Variants in PHPT1 observed in about 807,000 individuals in gnomAD.
PHPT1 encodes phosphohistidine phosphatase 1, also known as 14 kDa phosphohistidine phosphatase.
A neutral mutation model predicts 15.6 loss-of-function variants in PHPT1; 16 were observed. The observed-to-expected ratio is 1.03, with a 90% confidence interval of 0.70 to 1.56. The LOEUF is 1.56. Among genes scored for constraint, PHPT1 ranks in the 40% most tolerant of loss-of-function variants. The probability of loss-of-function intolerance (pLI) is 0.00; values close to 1 mark genes in which losing one functional copy is unlikely to be tolerated. For synonymous variants in PHPT1, 102 were observed against 68.1 expected, an observed-to-expected ratio of 1.50 and a Z score of -2.45; for missense variants, 228 against 171.0, an observed-to-expected ratio of 1.33 and a Z score of -1.86.
rs748362323 is a variant in PHPT1, at chr9:136,850,189, G to A, written c.285+52G>A. 18 of 1,610,588 alleles carry A rather than the reference G, an allele frequency of 1.1e-5. No individual in the cohort carries two copies. The Admixed American group carries it at 2.3e-4, about 21-fold the overall frequency. Reference sequence around the variant, plus strand: ...CCGGAGGCCCCAGTACCAGCTTCGAGGCCCACCTGAGCCTGCTGCCCTGAC... The same window carrying A: ...CCGGAGGCCCCAGTACCAGCTTCGAAGCCCACCTGAGCCTGCTGCCCTGAC... On this transcript the variant is annotated intron_variant, in intron 2 of 2. Coordinates refer to ENST00000247665, the MANE Select transcript of PHPT1 (RefSeq NM_014172.6).
intron 2 of PHPT1, 25 bp from the exon 3 acceptor site, chr9:136,850,730 C>T: frequency 1.9e-6 from 3 of 1,593,170 alleles, no homozygotes; most frequent in Non-Finnish European, 2.6e-6. Flanking sequence ...CCAGGTAGTG[C>T]CAGCAGGCGT....
chr9:136,850,200 G>C, intron 2 of PHPT1, 63 bp downstream of exon 2: 1 of 1,607,112 alleles, frequency 6.2e-7, no homozygotes, highest in Non-Finnish European at 8.5e-7. Context: ...GCCCACCTGA[G>C]CCTGCTGCCC....
chr9:136,849,939 C>T, intron 1 of PHPT1, 74 bp from the exon 2 acceptor site: 3 of 1,490,490 alleles, frequency 2.0e-6, no homozygotes, highest in Non-Finnish European at 2.8e-6. Flanking sequence ...ATTTCAGACC[C>T]CTTCGGCTGG....
At chr9:136,850,324 C>A (rs1848879264) in intron 2 of PHPT1, 187 bp downstream of exon 2, 2 of 864,794 alleles carry the variant, frequency 2.3e-6, no homozygotes, top group Non-Finnish European at 3.6e-6. Context: ...GAGCACACGC[C>A]AGACCTGAGG....
At position 136,851,003 on chromosome 9, in the gene PHPT1, G is replaced by A; in HGVS notation, c.*156G>A. ...TTGGAGACAGGCTAGCCTGGCCACA[G>A]AATTAAACGTGTTGCCACACCTGCC... On this transcript the variant is annotated 3_prime_UTR_variant, in exon 3 of 3. Transcript: ENST00000247665. The A allele has an allele frequency of 1.3e-6, 1 of 765,064 alleles. No individual in the cohort carries two copies. Among genetic ancestry groups the A allele is most frequent in the African/African-American group, 1.7e-5 (1 of 59,202 alleles). The allele number at this position is 765,064 out of a possible 1,614,324, so 47.4% of individuals were successfully genotyped here.
Position 136,849,507 on chromosome 9 carries a change from G to A in PHPT1, c.77G>A (p.Arg26Gln), listed in dbSNP as rs776211003. 1.2e-6 allele frequency: 2 copies of A among 1,611,634 alleles called. No homozygotes were observed. The highest frequency in any genetic ancestry group is 3.3e-5 in the Admixed American group (2 of 59,940). Residue 26 changes from arginine (R) to glutamine (Q), a missense_variant, in exon 1 of 3, where the codon CGA (arginine) becomes CAA (glutamine). Arg to Gln is a conservative substitution (Grantham distance 43). Coordinates refer to ENST00000247665, the MANE Select transcript of PHPT1 (RefSeq NM_014172.6). ...GGCGTCTTCAAGTATGTGCTGATCC[G>A]AGTCCACTCGGCTCCCCGCTCCGGG... is the stretch of plus-strand genomic sequence containing the variant. ...SDGVFKYVLI[R>Q]VHSAPRSGAP...
At chr9:136,850,583 C>T (rs1848889412) in intron 2 of PHPT1, 172 bp from the exon 3 acceptor site, 1 of 1,606,900 alleles carries the variant, frequency 6.2e-7, no homozygotes, top group African/African-American at 1.3e-5. Context: ...GTGGAGGTCG[C>T]CTCTCCCCAG....
intron 1 of PHPT1, 124 bp from the exon 2 acceptor site, chr9:136,849,889 G>A (rs1013709391): frequency 9.7e-7 from 1 of 1,035,380 alleles, no homozygotes; most frequent in Non-Finnish European, 1.4e-6. Context: ...AGCCTCAAGG[G>A]GCTTCGTCTC....
chr9:136,850,357 A>G (rs1314151157), intron 2 of PHPT1: 15 of 846,124 alleles, frequency 1.8e-5, no homozygotes, highest in Admixed American at 4.7e-5. Context: ...ACCCCCAGAC[A>G]TGGCCGGCTG....
rs781550423 is a variant in PHPT1, at chr9:136,849,441, C to T, written c.11C>T (p.Ala4Val). 32 of 1,601,846 alleles carry T rather than the reference C, an allele frequency of 2.0e-5. No homozygotes were observed. The highest frequency in any genetic ancestry group is 1.0e-4 in the Admixed American group (6 of 59,174). MAVADLALIPDVDI... is the reference protein window; with the variant it reads MAVVDLALIPDVDI... The stretch of plus-strand genomic sequence containing the variant: ...TCCGGGAGGAGGAACATGGCGGTGG[C>T]GGACCTCGCTCTCATTCCTGATGTG... Residue 4 changes from alanine to valine, a missense_variant, in exon 1 of 3, where the codon GCG (alanine) becomes GTG (valine). Ala to Val is a moderately conservative substitution (Grantham distance 64). Coordinates refer to ENST00000247665, the MANE Select transcript of PHPT1 (RefSeq NM_014172.6).
Position 136,849,520 on chromosome 9 carries a change from T to G in PHPT1, c.90T>G (p.Ala30=). ...ATGTGCTGATCCGAGTCCACTCGGC[T>G]CCCCGCTCCGGGGCTCCGGCTGCAG... ...FKYVLIRVHS[A]PRSGAPAAES... The change falls in exon 1 of 3, where the codon GCT becomes GCG. Residue 30 remains alanine (A), a synonymous_variant. Coordinates refer to ENST00000247665, the MANE Select transcript of PHPT1 (RefSeq NM_014172.6). The G allele has an allele frequency of 6.2e-7, 1 of 1,611,226 alleles. No individual in the cohort carries two copies.
chr9:136,850,098 G>C lies in PHPT1; in HGVS notation c.246G>C (p.Gln82His), dbSNP rs777828998. 4.3e-6 allele frequency: 7 copies of C among 1,612,718 alleles called. No homozygotes were observed. The highest frequency in any genetic ancestry group is 2.2e-5 in the South Asian group (2 of 91,080). Residue 82 changes from glutamine (Q) to histidine (H), a missense_variant, in exon 2 of 3, where the codon CAG becomes CAC. Physicochemically the swap from Gln to His is conservative, Grantham distance 24. Coordinates refer to ENST00000247665, the MANE Select transcript of PHPT1 (RefSeq NM_014172.6). ...ECLGGGRISH[Q>H]SQDKKIHVYG... ...TGGGCGGCGGGCGCATCTCCCACCAGAGTCAGGACAAGAAGATTCACGTGT... is the reference window on the plus strand; with the variant it reads ...TGGGCGGCGGGCGCATCTCCCACCACAGTCAGGACAAGAAGATTCACGTGT...
intron 1 of PHPT1, 98 bp downstream of exon 1, chr9:136,849,688 T>TGGCGG (rs1848855529): frequency 1.8e-4 from 3 of 16,806 alleles, no homozygotes; most frequent in Admixed American, 1.0e-3. Context: ...GGGGCGGGGC[T>TGGCGG]GGCGGGGCGG....
At position 136,850,757 on chromosome 9, in the gene PHPT1, CTA is replaced by C. The variant is rs776365716; in HGVS notation, c.290_291del (p.Tyr97TrpfsTer10). On this transcript the variant is annotated frameshift_variant, in exon 3 of 3. Coordinates refer to ENST00000247665, the MANE Select transcript of PHPT1 (RefSeq NM_014172.6). LOFTEE classifies it high-confidence loss of function. ...AGCAGGCGTCTTCTCTTCTCCAGGCCTATGGTCCTGCCCAGCACGCCATTTCA... is the reference window on the plus strand; with the variant it reads ...AGCAGGCGTCTTCTCTTCTCCAGGCCTGGTCCTGCCCAGCACGCCATTTCA... Reference protein sequence around the residue: ...KIHVYGYSMAYGPAQHAISTE... With the variant: ...KIHVYGYSMAXGPAQHAISTE... 1.2e-6 allele frequency: 2 copies of C among 1,612,672 alleles called. No homozygotes were observed. Among genetic ancestry groups the C allele is most frequent in the South Asian group, 2.2e-5 (2 of 91,080 alleles).
rs1417006477 is a variant in PHPT1 at position 136,850,868 on chromosome 9, G to A, written c.*21G>A. 3 of 1,573,662 alleles carry A rather than the reference G, an allele frequency of 1.9e-6. No individual in the cohort carries two copies. The highest frequency in any genetic ancestry group is 2.2e-5 in the East Asian group (1 of 44,686). ...ACTGAGCACTCCCAGCCCGGGGCCT[G>A]CTGCCTCCAGCAGCCACTTCAGAGC... On this transcript the variant is annotated 3_prime_UTR_variant, in exon 3 of 3. Transcript: ENST00000247665.
At position 136,850,818 on chromosome 9, in the gene PHPT1, G is replaced by A. The variant is rs776851042; in HGVS notation, c.349G>A (p.Glu117Lys). Residue 117 changes from glutamate to lysine, a missense_variant, in exon 3 of 3, where the codon GAG becomes AAG. Transcript: ENST00000247665. ...AATCAAAGCCAAGTACCCCGACTAC[G>A]AGGTCACCTGGGCTAACGACGGCTA... ...EKIKAKYPDY[E>K]VTWANDGY 33 of 1,613,004 alleles carry A rather than the reference G, an allele frequency of 2.0e-5. No homozygotes were observed. The East Asian group carries it at 5.3e-4, about 26-fold the overall frequency.
intron 1 of PHPT1, 54 bp from the exon 2 acceptor site, chr9:136,849,959 C>T: frequency 6.4e-7 from 1 of 1,568,914 alleles, no homozygotes; most frequent in South Asian, 1.2e-5. Flanking sequence ...GGAGTTCCTC[C>T]CGCGGCCTCC....
intron 2 of PHPT1, chr9:136,850,483 C>T (rs369025455): frequency 1.5e-4 from 236 of 1,607,134 alleles, no homozygotes; most frequent in Admixed American, 1.0e-4. Context: ...CCCACCTGTG[C>T]TCTTCACAAA....
intron 1 of PHPT1, 44 bp downstream of exon 1, chr9:136,849,634 G>C: frequency 2.7e-6 from 4 of 1,456,822 alleles, no homozygotes; most frequent in Non-Finnish European, 3.7e-6. Context: ...CGCCTGGCGA[G>C]GCGGGGGCGG....
Sources: gnomAD v4.1 joint callset for allele counts on GRCh38, gnomAD v4.1.1 for gene constraint, MANE v1.5 for transcripts, NCBI Gene and HGNC (gene_info 2026-07-23, HGNC 2026-07-21) for gene names.